ABCA1: variants seen among roughly 807,000 people sequenced by gnomAD.
ABCA1 encodes the protein phospholipid-transporting ATPase ABCA1.
ABCA1 carries 133 observed loss-of-function variants against 262.5 expected under a neutral mutation model. That is an observed-to-expected ratio of 0.51 (90% CI 0.44 to 0.59). The LOEUF (loss-of-function observed/expected upper bound fraction) is 0.59, where lower values mean the gene tolerates loss of function less well. ABCA1 is among the 20% of genes least tolerant of loss of function. The pLI is 0.00. For missense variants in ABCA1, 2,452 were observed against 2,777.5 expected (o/e 0.88, Z 2.63); for synonymous variants, 1,022 against 1,043.5 (o/e 0.98, Z 0.40).
chr9:104,888,414 T>A (rs1839406333), intron 3 of ABCA1, among the ~76,000 whole-genome samples: 1 of 152,180 alleles, frequency 6.6e-6, no homozygotes, highest in Non-Finnish European at 1.5e-5. Context: ...AGAAAGACTG[T>A]GATTGTAAGA....
intron 2 of ABCA1, among the ~76,000 whole-genome samples, chr9:104,890,311 G>A (rs1839599145): frequency 1.3e-5 from 2 of 152,256 alleles, no homozygotes; most frequent in Non-Finnish European, 1.5e-5. Flanking sequence ...TGGGCACAGT[G>A]GCTCATGCCT....
chr9:104,809,426 C>A (rs762640594), intron 30 of ABCA1, 40 bp downstream of exon 30: 54 of 1,587,344 alleles, frequency 3.4e-5, no homozygotes, highest in Admixed American at 5.0e-5. Flanking sequence ...AACCAGGCAA[C>A]AAGCACAAGA....
rs140365800 is a variant in ABCA1 at position 104,819,977 on chromosome 9, T to C, written c.3053A>G (p.Asp1018Gly). 661 of 1,614,032 alleles carry C rather than the reference T, an allele frequency of 4.1e-4. 3 individuals are homozygous for C. Among genetic ancestry groups the C allele is most frequent in the Admixed American group, 1.2e-3 (73 of 60,012 alleles). The change falls in exon 21 of 50, where the codon GAT (aspartate) becomes GGT (glycine). Residue 1018 changes from aspartate (D) to glycine (G), a missense_variant. By Grantham distance (94) the Asp-to-Gly change is moderately conservative (BLOSUM62 -1). This residue lies in a region of ABCA1 where 665 missense variants were observed against 727.3 expected (regional missense o/e 0.91). Transcript: ENST00000374736. ...CAGCTTGCTTGATGGCAAACCAACA[T>C]CCAGGGCCATCTGCTCCATCTCCGC... Reference protein sequence around the residue: ...VKAEMEQMALDVGLPSSKLKS... With the variant: ...VKAEMEQMALGVGLPSSKLKS...
intron 5 of ABCA1, among the ~76,000 whole-genome samples, chr9:104,862,067 C>A (rs1336668974): frequency 1.1e-4 from 17 of 149,568 alleles, no homozygotes; most frequent in Admixed American, 1.1e-3. Context: ...CACACACACA[C>A]ACACACACAT....
intron 1 of ABCA1, among the ~76,000 whole-genome samples, chr9:104,923,296 C>A (rs2487050): frequency 0.19 from 28,460 of 152,222 alleles, 3,096 homozygotes; most frequent in South Asian, 0.34. Context: ...ATTCCATTTT[C>A]TATAGATCAC....
At chr9:104,860,842 C>T (rs1326461473) in intron 6 of ABCA1, among the ~76,000 whole-genome samples, 2 of 148,322 alleles carry the variant, frequency 1.3e-5, no homozygotes, top group Non-Finnish European at 1.5e-5. Context: ...CTGCAACCTC[C>T]GCCTCCCAGG....
At chr9:104,884,654 T>A (rs1054009184) in intron 3 of ABCA1, 86 bp from the exon 4 acceptor site, 1 of 1,490,454 alleles carries the variant, frequency 6.7e-7, no homozygotes, top group Non-Finnish European at 9.3e-7. Context: ...CAATGCTTCA[T>A]GCCAAGTCTG....
chr9:104,827,534 C>T (rs4149306), intron 15 of ABCA1, among the ~76,000 whole-genome samples: 2,653 of 152,278 alleles, frequency 0.017, 45 homozygotes, highest in African/African-American at 0.042. Flanking sequence ...TAATATCCCA[C>T]GTAACTTTTC....
At chr9:104,914,126 G>C (rs531552026) in intron 1 of ABCA1, among the ~76,000 whole-genome samples, 2 of 151,826 alleles carry the variant, frequency 1.3e-5, no homozygotes, top group South Asian at 4.2e-4. Context: ...ACCTGACTCA[G>C]TTTTCCTGTC....
intron 37 of ABCA1, among the ~76,000 whole-genome samples, chr9:104,797,128 A>G (rs1829968754): frequency 6.6e-6 from 1 of 152,180 alleles, no homozygotes; most frequent in South Asian, 2.1e-4. Flanking sequence ...AAATTTCAGG[A>G]GCTCTAAAGC....
At chr9:104,890,176 C>T (rs1839584512) in intron 2 of ABCA1, among the ~76,000 whole-genome samples, 1 of 152,222 alleles carries the variant, frequency 6.6e-6, no homozygotes, top group East Asian at 1.9e-4. Context: ...CCAAAAGAGT[C>T]ACAGGGCCTT....
intron 9 of ABCA1, among the ~76,000 whole-genome samples, chr9:104,838,455 A>G (rs1023472325): frequency 3.4e-5 from 5 of 146,692 alleles, no homozygotes; most frequent in African/African-American, 1.2e-4. Flanking sequence ...TCAAAATACA[A>G]AAAAAAAAAA....
At chr9:104,793,379 T>G in intron 40 of ABCA1, 79 bp from the exon 41 acceptor site, 2 of 1,588,988 alleles carry the variant, frequency 1.3e-6, no homozygotes, top group Non-Finnish European at 1.7e-6. Context: ...GGGCCTATGT[T>G]CCTTAAAATT....
At chr9:104,830,337 T>C (rs1833177253) in intron 14 of ABCA1, among the ~76,000 whole-genome samples, 1 of 152,246 alleles carries the variant, frequency 6.6e-6, no homozygotes, top group Non-Finnish European at 1.5e-5. Context: ...GTGTTTGTCA[T>C]GACACATTTT....
At chr9:104,789,608 A>G (rs1280023866) in intron 44 of ABCA1, among the ~76,000 whole-genome samples, 1 of 152,226 alleles carries the variant, frequency 6.6e-6, no homozygotes, top group African/African-American at 2.4e-5. Flanking sequence ...ATGACGCAGT[A>G]TAAGGTAGAA....
intron 18 of ABCA1, 57 bp downstream of exon 18, chr9:104,824,408 G>T: frequency 6.2e-7 from 1 of 1,611,288 alleles, no homozygotes; most frequent in Admixed American, 1.7e-5. Flanking sequence ...GCCCCCAACA[G>T]TTAGCAGAGG....
At chr9:104,813,316 T>C (rs1831444166) in intron 27 of ABCA1, among the ~76,000 whole-genome samples, 1 of 152,260 alleles carries the variant, frequency 6.6e-6, no homozygotes, top group Non-Finnish European at 1.5e-5. Context: ...ACCTAACTGA[T>C]GTGCTTTTAC....
rs952090429 is a variant in ABCA1 at position 104,861,810 on chromosome 9, AAT to A, written c.422-12_422-11del. Reference sequence around the variant, plus strand: ...TCTTGAAGCTTCAAGTCTATTGAGAAATAGTGTTTTATTTTTATTTAGTAAGT... The same window carrying A: ...TCTTGAAGCTTCAAGTCTATTGAGAAAGTGTTTTATTTTTATTTAGTAAGT... On this transcript the variant is annotated splice_polypyrimidine_tract_variant and intron_variant, in intron 5 of 49. Coordinates refer to ENST00000374736, the MANE Select transcript of ABCA1 (RefSeq NM_005502.4). 6.2e-7 allele frequency: 1 copy of A among 1,611,918 alleles called. No homozygotes were observed.
chr9:104,802,406 T>C (rs772659999), intron 33 of ABCA1, among the ~76,000 whole-genome samples: 4 of 152,180 alleles, frequency 2.6e-5, no homozygotes, highest in African/African-American at 7.2e-5. Flanking sequence ...AGCTGAGACA[T>C]TGAGGAAAGA....
Sources: gnomAD v4.1 joint callset for allele counts (sites outside exome capture counted in the v4.1 genomes callset) on GRCh38, gnomAD v4.1.1 for gene constraint, gnomAD v4.1.1 regional missense constraint, MANE v1.5 for transcripts, NCBI Gene and HGNC (gene_info 2026-07-23, HGNC 2026-07-21) for gene names.